OTOG: variants seen among roughly 807,000 people sequenced by gnomAD.
The protein encoded by OTOG is otogelin.
OTOG carries 296 observed loss-of-function variants against 313.8 expected under a neutral mutation model. The observed-to-expected ratio is 0.94, with a 90% CI of 0.86 to 1.04. The LOEUF (loss-of-function observed/expected upper bound fraction) is 1.04. Among genes scored for constraint, OTOG ranks in the 50% least tolerant of loss-of-function variants. The probability of loss-of-function intolerance (pLI) is 0.00; values close to 1 mark genes in which losing one functional copy is unlikely to be tolerated. For synonymous variants in OTOG, 1,533 were observed against 1,554.9 expected, an observed-to-expected ratio of 0.99 and a Z score of 0.33; for missense variants, 3,948 against 3,840.1, an observed-to-expected ratio of 1.03 and a Z score of -0.74.
intron 47 of OTOG, 107 bp downstream of exon 47, chr11:17,635,818 G>A: frequency 1.1e-6 from 1 of 917,118 alleles, no homozygotes; most frequent in Non-Finnish European, 1.7e-6. Context: ...GCGCCCCCAG[G>A]TGGTGAGCTC....
rs982536669 is a variant in OTOG at position 17,635,180 on chromosome 11, C to G, written c.7686C>G (p.Tyr2562Ter). Residue 2562 changes from tyrosine to a stop codon, truncating the protein, a stop_gained, in exon 46 of 56, where the codon TAC (tyrosine) becomes TAG (stop). Coordinates refer to ENST00000399397, the MANE Select transcript of OTOG (RefSeq NM_001292063.2). LOFTEE classifies it high-confidence loss of function. ...GRLGDSCCTS[Y>*]FCACGDCPDS... is the part of the protein sequence containing the mutation. ...TGGGGGACTCCTGCTGCACCTCCTA[C>G]TTCTGCGGTGGGTCGCCGCCACCAG... 4 of 1,543,958 alleles carry G rather than the reference C, an allele frequency of 2.6e-6. No individual in the cohort carries two copies. The East Asian group carries it at 9.8e-5, about 38-fold the overall frequency.
chr11:17,560,593 G>T, intron 12 of OTOG, 116 bp from the exon 13 acceptor site: 1 of 731,552 alleles, frequency 1.4e-6, no homozygotes. Context: ...TTTGGAAGTC[G>T]GTTCAGAGAT....
rs1360159746 is a variant in OTOG, at chr11:17,611,397, G to A, written c.6097G>A (p.Glu2033Lys). 2.0e-6 allele frequency: 3 copies of A among 1,536,536 alleles called. No individual in the cohort carries two copies. Among genetic ancestry groups the A allele is most frequent in the Non-Finnish European group, 2.6e-6 (3 of 1,137,250 alleles). ...GGCGGAGGCTTTGGCAACTACCACT[G>A]AGGCCAATACATCCACCACCTGTGT... Reference protein sequence around the residue: ...GLAEALATTTEANTSTTCVPI... With the variant: ...GLAEALATTTKANTSTTCVPI... Residue 2033 changes from glutamate to lysine, a missense_variant, in exon 36 of 56, where the codon GAG becomes AAG. Coordinates refer to ENST00000399397, the MANE Select transcript of OTOG (RefSeq NM_001292063.2).
chr11:17,558,711 C>T lies in OTOG; in HGVS notation c.1103+67C>T, dbSNP rs1852109607. On this transcript the variant is annotated intron_variant, in intron 10 of 55. Coordinates refer to ENST00000399397, the MANE Select transcript of OTOG (RefSeq NM_001292063.2). ...TGGGGTGAGTGCTCAGCACACGGGC[C>T]ATCAAACTGGGTGATCCCAGGCACT... is the stretch of plus-strand genomic sequence containing the variant. The T allele has an allele frequency of 4.2e-6, 6 of 1,441,640 alleles. No individual in the cohort carries two copies. In the East Asian group the frequency reaches 1.5e-4, roughly 36 times the overall value. 89.3% of individuals were successfully genotyped at this position (1,441,640 alleles called of 1,614,324 possible).
Position 17,576,980 on chromosome 11 carries a change from C to T in OTOG, c.2605+69C>T. 4.1e-6 allele frequency: 6 copies of T among 1,463,052 alleles called. No individual in the cohort carries two copies. In the South Asian group the frequency reaches 7.6e-5, roughly 19 times the overall value. 90.6% of individuals were successfully genotyped at this position (1,463,052 alleles called of 1,614,324 possible). On this transcript the variant is annotated intron_variant, in intron 22 of 55. Coordinates refer to ENST00000399397, the MANE Select transcript of OTOG (RefSeq NM_001292063.2). ...TGGTAAAGGAGAGTGGGGAGTGGAG[C>T]ACTGATCAGGCTGTGGCAAGCCCAC...
In OTOG at chr11:17,557,159, A is replaced by G. The variant is rs1413974092; in HGVS notation, c.701A>G (p.Gln234Arg). ...PHVMGSARLQQLAGYVIVRHQ... is the reference protein window; with the variant it reads ...PHVMGSARLQRLAGYVIVRHQ... ...GTCATGGGGAGCGCGCGTCTGCAGCAGCTTGCCGGCTATGTCATCGTGCGG... is the reference window on the plus strand; with the variant it reads ...GTCATGGGGAGCGCGCGTCTGCAGCGGCTTGCCGGCTATGTCATCGTGCGG... Residue 234 changes from glutamine (Q) to arginine (R), a missense_variant, in exon 8 of 56, where the codon CAG becomes CGG. Coordinates refer to ENST00000399397, the MANE Select transcript of OTOG (RefSeq NM_001292063.2). 6.4e-7 allele frequency: 1 copy of G among 1,550,594 alleles called. No individual in the cohort carries two copies. Among genetic ancestry groups the G allele is most frequent in the Admixed American group, 2.0e-5 (1 of 51,006 alleles).
rs1451909396 is a variant in OTOG, at chr11:17,606,134, G to A, written c.4155G>A (p.Leu1385=). The change falls in exon 33 of 56, where the codon CTG becomes CTA. Residue 1385 remains leucine, a splice_region_variant and synonymous_variant. Coordinates refer to ENST00000399397, the MANE Select transcript of OTOG (RefSeq NM_001292063.2). Reference sequence around the variant, plus strand: ...GCCGGGGCACACTCTTCCGCCTTCTGGGTAGGCGACCCCCTGCCATTGCCC... The same window carrying A: ...GCCGGGGCACACTCTTCCGCCTTCTAGGTAGGCGACCCCCTGCCATTGCCC... ...VFRRGTLFRL[L]DAKPSGAAYP... The A allele has an allele frequency of 6.5e-7, 1 of 1,527,744 alleles. No homozygotes were observed. The highest frequency in any genetic ancestry group is 8.8e-7 in the Non-Finnish European group (1 of 1,133,456). The allele number at this position is 1,527,744 out of a possible 1,614,324, so 94.6% of individuals were successfully genotyped here. A position where few individuals can be genotyped will look rare whatever the true frequency, so the allele number is the denominator to read the frequency against.
rs558080581 is a variant in OTOG at position 17,591,492 on chromosome 11, C to T, written c.2910C>T (p.Cys970=). 7.6e-5 allele frequency: 118 copies of T among 1,550,726 alleles called. No individual in the cohort carries two copies. The highest frequency in any genetic ancestry group is 7.4e-4 in the South Asian group (62 of 84,068). Reference sequence around the variant, plus strand: ...CATTCCAGTGCACCCTGCACCCTTGCGCCTCCACCTGCACTGCCTATGGGG... The same window carrying T: ...CATTCCAGTGCACCCTGCACCCTTGTGCCTCCACCTGCACTGCCTATGGGG... ...RGSFQCTLHP[C]ASTCTAYGDR... Residue 970 remains cysteine, a synonymous_variant, in exon 25 of 56, where the codon TGC becomes TGT. Coordinates refer to ENST00000399397, the MANE Select transcript of OTOG (RefSeq NM_001292063.2).
chr11:17,635,783 A>C, intron 47 of OTOG, 72 bp downstream of exon 47: 7 of 1,252,370 alleles, frequency 5.6e-6, no homozygotes, highest in Non-Finnish European at 8.0e-6. Context: ...CCCCGGACCA[A>C]TGGGGGTTGA....
chr11:17,614,550 G>A (rs1327434058), intron 39 of OTOG, among the ~76,000 whole-genome samples: 1 of 152,158 alleles, frequency 6.6e-6, no homozygotes, highest in Non-Finnish European at 1.5e-5. Flanking sequence ...CCAGGATATA[G>A]AACAGTTTTA....
intron 23 of OTOG, 60 bp downstream of exon 23, chr11:17,578,586 AG>A: frequency 1.4e-6 from 2 of 1,464,562 alleles, no homozygotes; most frequent in Non-Finnish European, 1.8e-6. Flanking sequence ...CAAGGGCCAC[AG>A]GGTGGAGTGG....
chr11:17,587,353 G>A (rs1852819897), intron 24 of OTOG, among the ~76,000 whole-genome samples: 1 of 152,200 alleles, frequency 6.6e-6, no homozygotes, highest in South Asian at 2.1e-4. Context: ...TAGAGAGAAT[G>A]CTGGGGGACG....
intron 3 of OTOG, among the ~76,000 whole-genome samples, chr11:17,548,560 C>T (rs895663371): frequency 1.3e-5 from 2 of 150,938 alleles, no homozygotes; most frequent in East Asian, 3.9e-4. Context: ...TTCTCTTTTC[C>T]CTGACTGGCC....
chr11:17,578,672 A>G lies in OTOG; in HGVS notation c.2759+146A>G. On this transcript the variant is annotated intron_variant, in intron 23 of 55. Coordinates refer to ENST00000399397, the MANE Select transcript of OTOG (RefSeq NM_001292063.2). ...GGCCAGCCACAGCTGTAATGGCCAG[A>G]GAGGAGTCTGGGAAAGAGGAGAGGC... 2.7e-6 allele frequency: 3 copies of G among 1,098,776 alleles called. No individual in the cohort carries two copies. The South Asian group carries it at 5.4e-5, about 20-fold the overall frequency. The allele number at this position is 1,098,776 out of a possible 1,614,324, so 68.1% of individuals were successfully genotyped here. A position where few individuals can be genotyped will look rare whatever the true frequency, so the allele number is the denominator to read the frequency against.
In OTOG at chr11:17,597,024, A is replaced by C. The variant is rs1227256542; in HGVS notation, c.3682+17A>C. On this transcript the variant is annotated intron_variant, in intron 30 of 55. Coordinates refer to ENST00000399397, the MANE Select transcript of OTOG (RefSeq NM_001292063.2). The stretch of plus-strand genomic sequence containing the variant: ...GCCTCTGCCGTGAGTGTCCCAGACA[A>C]TCACCTGAGGGGACAGAGTAGAGTG... The C allele has an allele frequency of 6.5e-7, 1 of 1,549,056 alleles. No homozygotes were observed. Among genetic ancestry groups the C allele is most frequent in the African/African-American group, 1.4e-5 (1 of 73,038 alleles).
Position 17,645,972 on chromosome 11 carries a change from A to G in OTOG, c.*28A>G, listed in dbSNP as rs1226253124. 6.5e-7 allele frequency: 1 copy of G among 1,539,750 alleles called. No homozygotes were observed. On this transcript the variant is annotated 3_prime_UTR_variant, in exon 56 of 56. Transcript: ENST00000399397. ...CCTGGGGGCCCGGGCTAGCTGGACC[A>G]CCTCTGCCAGCCCCACTTTCTGTTT...
In OTOG at chr11:17,553,102, C is replaced by G; in HGVS notation, c.293-17C>G. Reference sequence around the variant, plus strand: ...ATCTCAGCTTGATGGGGCAATGACTCTGTGTCTCCCATGCAGACTTGTTCT... The same window carrying G: ...ATCTCAGCTTGATGGGGCAATGACTGTGTGTCTCCCATGCAGACTTGTTCT... On this transcript the variant is annotated splice_polypyrimidine_tract_variant and intron_variant, in intron 4 of 55. Coordinates refer to ENST00000399397, the MANE Select transcript of OTOG (RefSeq NM_001292063.2). 6.5e-7 allele frequency: 1 copy of G among 1,550,010 alleles called. No individual in the cohort carries two copies. Among genetic ancestry groups the G allele is most frequent in the South Asian group, 1.2e-5 (1 of 84,032 alleles).
intron 39 of OTOG, among the ~76,000 whole-genome samples, chr11:17,614,024 A>C (rs187548126): frequency 1.3e-5 from 2 of 152,132 alleles, no homozygotes; most frequent in African/African-American, 4.8e-5. Context: ...TTTCACAAAA[A>C]CCTATGACCA....
rs1243586082 is a variant in OTOG at position 17,547,516 on chromosome 11, C to T, written c.94+50C>T. On this transcript the variant is annotated intron_variant, in intron 1 of 55. Coordinates refer to ENST00000399397, the MANE Select transcript of OTOG (RefSeq NM_001292063.2). ...GGTCGGGGGCTCGAGGAATGAGAAA[C>T]GTTAAAGGAATGAGGAATGGGCCCG... 9 of 1,308,296 alleles carry T rather than the reference C, an allele frequency of 6.9e-6. No homozygotes were observed. The South Asian group carries it at 1.1e-4, about 16-fold the overall frequency. 81.0% of individuals were successfully genotyped at this position (1,308,296 alleles called of 1,614,324 possible).
Sources: allele counts gnomAD v4.1 joint callset (sites outside exome capture counted in the v4.1 genomes callset), GRCh38; gene constraint gnomAD v4.1.1; transcripts MANE v1.5; gene names NCBI Gene and HGNC (gene_info 2026-07-23, HGNC 2026-07-21).